TTC1: variants seen among roughly 807,000 people sequenced by gnomAD.
TTC1 encodes the protein tetratricopeptide repeat protein 1.
Under a neutral mutation model 37.6 loss-of-function variants are expected in TTC1, and 31 were observed. The observed-to-expected ratio is 0.82, with a 90% CI of 0.62 to 1.11. TTC1 has a LOEUF of 1.11. Ranked by LOEUF, TTC1 falls within the 50% of genes most tolerant of loss-of-function variation. The probability of loss-of-function intolerance (pLI) is 0.00; values close to 1 mark genes in which losing one functional copy is unlikely to be tolerated. For synonymous variants in TTC1, 127 were observed against 122.4 expected, an observed-to-expected ratio of 1.04 and a Z score of -0.25; for missense variants, 351 against 339.0, an observed-to-expected ratio of 1.04 and a Z score of -0.28.
In TTC1 at chr5:160,048,234, C is replaced by T. The variant is rs1757309392; in HGVS notation, c.542-1280C>T. On this transcript the variant is annotated intron_variant, in intron 5 of 7. Coordinates refer to ENST00000231238, the MANE Select transcript of TTC1 (RefSeq NM_003314.3). ...GCAATCGCCACTCACTGCACGCAAC[C>T]TCCGCCTCCTGGGTTCAAGTGATTC... 2.7e-5 allele frequency among the ~76,000 whole-genome samples: 4 copies of T among 147,010 alleles called. No individual in the cohort carries two copies. The South Asian group carries it at 8.6e-4, about 32-fold the overall frequency.
chr5:160,042,481 A>G (rs1430286475), intron 4 of TTC1, among the ~76,000 whole-genome samples: 1 of 152,224 alleles, frequency 6.6e-6, no homozygotes, highest in Non-Finnish European at 1.5e-5. Context: ...CTAGAGAAGG[A>G]AAATAGCATG....
At chr5:160,045,454 C>CA (rs1757191406) in intron 5 of TTC1, among the ~76,000 whole-genome samples, 4 of 38,908 alleles carry the variant, frequency 1.0e-4, no homozygotes, top group African/African-American at 1.1e-4. Context: ...CCCCCACCCT[C>CA]CACACACACA....
At chr5:160,044,894 G>A (rs572513058) in intron 5 of TTC1, among the ~76,000 whole-genome samples, 1 of 152,072 alleles carries the variant, frequency 6.6e-6, no homozygotes, top group South Asian at 2.1e-4. Context: ...AATTAATTTG[G>A]TGCCCTCTCT....
At chr5:160,020,982 C>T (rs1001808438) in intron 2 of TTC1, among the ~76,000 whole-genome samples, 1 of 152,122 alleles carries the variant, frequency 6.6e-6, no homozygotes, top group Non-Finnish European at 1.5e-5. Flanking sequence ...GGGTAGGGAC[C>T]GCTGCTCTAA....
At chr5:160,059,951 A>G (rs891077351) in intron 7 of TTC1, among the ~76,000 whole-genome samples, 1 of 152,246 alleles carries the variant, frequency 6.6e-6, no homozygotes, top group African/African-American at 2.4e-5. Context: ...AAAAAACACA[A>G]TATCTGTAAA....
intron 2 of TTC1, among the ~76,000 whole-genome samples, chr5:160,018,252 A>G (rs1756641059): frequency 6.6e-6 from 1 of 152,198 alleles, no homozygotes; most frequent in African/African-American, 2.4e-5. Flanking sequence ...TGATCTTGGA[A>G]TTTCCAGCCC....
At chr5:160,014,867 A>G (rs563635564) in intron 2 of TTC1, among the ~76,000 whole-genome samples, 14 of 152,334 alleles carry the variant, frequency 9.2e-5, no homozygotes, top group African/African-American at 3.4e-4. Context: ...ATCATTCATA[A>G]TTTTGGAAAG....
At chr5:160,048,820 G>A (rs538018833) in intron 5 of TTC1, among the ~76,000 whole-genome samples, 64 of 152,178 alleles carry the variant, frequency 4.2e-4, no homozygotes, top group African/African-American at 7.5e-4. Context: ...GCATGGTGGC[G>A]CATGCCTGTA....
intron 4 of TTC1, among the ~76,000 whole-genome samples, chr5:160,037,613 A>G (rs898078731): frequency 6.6e-6 from 1 of 152,120 alleles, no homozygotes; most frequent in Non-Finnish European, 1.5e-5. Context: ...CTACTCAAGA[A>G]GCTGAGGCAG....
intron 2 of TTC1, among the ~76,000 whole-genome samples, chr5:160,013,967 C>G (rs1198274273): frequency 6.6e-6 from 1 of 152,166 alleles, no homozygotes; most frequent in Non-Finnish European, 1.5e-5. Context: ...GTTCTACATC[C>G]TGCACCATGC....
At chr5:160,048,949 TA>T (rs34060683) in intron 5 of TTC1, among the ~76,000 whole-genome samples, 101,671 of 149,936 alleles carry the variant, frequency 0.68, 34,390 homozygotes, top group East Asian at 0.74. Context: ...AGACTCCGTC[TA>T]AAAAAAAAAA....
intron 4 of TTC1, among the ~76,000 whole-genome samples, chr5:160,039,692 G>T (rs1248643296): frequency 6.6e-6 from 1 of 152,104 alleles, no homozygotes; most frequent in Non-Finnish European, 1.5e-5. Flanking sequence ...CACATAAATT[G>T]TAAAGATTTA....
intron 7 of TTC1, among the ~76,000 whole-genome samples, chr5:160,064,449 A>C (rs975834341): frequency 2.6e-5 from 4 of 152,238 alleles, no homozygotes; most frequent in Admixed American, 6.5e-5. Context: ...ATATGAATCC[A>C]AGCTCAGTGG....
At chr5:160,009,251 T>C (rs1046672153) in intron 1 of TTC1, 58 bp downstream of exon 1, 1 of 152,210 alleles carries the variant, frequency 6.6e-6, no homozygotes, top group African/African-American at 2.4e-5. Flanking sequence ...TAGGGAATAA[T>C]CTGCTGGGAA....
intron 2 of TTC1, among the ~76,000 whole-genome samples, chr5:160,022,696 C>CA (rs1449943690): frequency 6.6e-6 from 1 of 152,156 alleles, no homozygotes; most frequent in Non-Finnish European, 1.5e-5. Flanking sequence ...CTTCACTTAG[C>CA]AATAGTAGCA....
Position 160,011,863 on chromosome 5 carries a change from G to A in TTC1, c.330+1005G>A, listed in dbSNP as rs114943457. 2.8e-3 allele frequency among the ~76,000 whole-genome samples: 423 copies of A among 152,118 alleles called. 3 individuals carry two copies. The highest frequency in any genetic ancestry group is 9.7e-3 in the African/African-American group (402 of 41,484). On this transcript the variant is annotated intron_variant, in intron 2 of 7. Coordinates refer to ENST00000231238, the MANE Select transcript of TTC1 (RefSeq NM_003314.3). Reference sequence around the variant, plus strand: ...GAACAGGTTGTGATACATTGGTATTGAGATGAGATAATAAATGTTCAGCCT... The same window carrying A: ...GAACAGGTTGTGATACATTGGTATTAAGATGAGATAATAAATGTTCAGCCT...
intron 2 of TTC1, among the ~76,000 whole-genome samples, chr5:160,012,365 A>G (rs1358848590): frequency 6.6e-6 from 1 of 150,978 alleles, no homozygotes; most frequent in East Asian, 1.9e-4. Flanking sequence ...AAATACTTTT[A>G]TGATTTTTTT....
In TTC1 at chr5:160,065,498, A is replaced by G. The variant is rs942732551; in HGVS notation, c.*433A>G. The G allele has an allele frequency of 4.6e-6, 2 of 433,236 alleles. No homozygotes were observed. The highest frequency in any genetic ancestry group is 4.1e-5 in the African/African-American group (2 of 49,236). The allele number at this position is 433,236 out of a possible 1,614,324, so 26.8% of individuals were successfully genotyped here. A position where few individuals can be genotyped will look rare whatever the true frequency, so the allele number is the denominator to read the frequency against. ...TCACACAGCTAACGAGGCTGCCTCCAGCATTTCCTGATTTCCTCTGTGGTA... is the reference window on the plus strand; with the variant it reads ...TCACACAGCTAACGAGGCTGCCTCCGGCATTTCCTGATTTCCTCTGTGGTA... On this transcript the variant is annotated 3_prime_UTR_variant, in exon 8 of 8. Coordinates refer to ENST00000231238, the MANE Select transcript of TTC1 (RefSeq NM_003314.3).
At chr5:160,047,195 T>C in intron 5 of TTC1, among the ~76,000 whole-genome samples, 1 of 152,192 alleles carries the variant, frequency 6.6e-6, no homozygotes, top group Non-Finnish European at 1.5e-5. Context: ...TGTATCCCAC[T>C]GCAAAGTTCT....
Sources: allele counts gnomAD v4.1 joint callset (sites outside exome capture counted in the v4.1 genomes callset), GRCh38; gene constraint gnomAD v4.1.1; transcripts MANE v1.5; gene names NCBI Gene and HGNC (gene_info 2026-07-23, HGNC 2026-07-21).